TBC1D5: variants seen among roughly 807,000 people sequenced by gnomAD.
The protein encoded by TBC1D5 is TBC1 domain family, member 5.
A neutral mutation model predicts 100.3 loss-of-function variants in TBC1D5; 75 were observed. The observed-to-expected ratio is 0.75, with a 90% CI of 0.62 to 0.91. TBC1D5 has a LOEUF of 0.91. TBC1D5 is among the 40% of genes least tolerant of loss of function. The pLI, the probability that TBC1D5 is intolerant of heterozygous loss-of-function variation, is 0.00. For synonymous variants in TBC1D5, 323 were observed against 325.6 expected (o/e 0.99, Z 0.09); for missense variants, 910 against 942.4 (o/e 0.97, Z 0.45).
At chr3:17,563,821 T>C (rs190280299) in intron 2 of TBC1D5, among the ~76,000 whole-genome samples, 252 of 152,320 alleles carry the variant, frequency 1.7e-3, no homozygotes, top group African/African-American at 3.2e-3. Context: ...CTCCCTCTGT[T>C]GCCCAGGCTG....
At chr3:17,687,070 C>T (rs1042422558) in intron 1 of TBC1D5, among the ~76,000 whole-genome samples, 9 of 151,858 alleles carry the variant, frequency 5.9e-5, no homozygotes, top group Admixed American at 1.3e-4. Flanking sequence ...CTTGGGAGAC[C>T]GGGTATATGG....
At chr3:17,322,166 T>A (rs751620842) in intron 13 of TBC1D5, among the ~76,000 whole-genome samples, 3 of 152,232 alleles carry the variant, frequency 2.0e-5, no homozygotes, top group Non-Finnish European at 4.4e-5. Context: ...TTGTTCTAAT[T>A]TATCTCATTC....
intron 1 of TBC1D5, among the ~76,000 whole-genome samples, chr3:17,656,426 G>A (rs1202969359): frequency 6.6e-6 from 1 of 152,186 alleles, no homozygotes; most frequent in Non-Finnish European, 1.5e-5. Context: ...TATGGAAACA[G>A]AAACTCCTGC....
intron 3 of TBC1D5, among the ~76,000 whole-genome samples, chr3:17,484,892 G>C (rs116400735): frequency 6.6e-6 from 1 of 152,192 alleles, no homozygotes; most frequent in Non-Finnish European, 1.5e-5. Flanking sequence ...AGTGGAAAAT[G>C]AGGAACCCAC....
At chr3:17,406,396 T>A in intron 5 of TBC1D5, 22 bp downstream of exon 5, 3 of 1,599,492 alleles carry the variant, frequency 1.9e-6, no homozygotes, top group Non-Finnish European at 2.6e-6. Context: ...CCAGAAACTG[T>A]AAATAAATAT....
At chr3:17,281,188 C>T (rs1285995607) in intron 15 of TBC1D5, among the ~76,000 whole-genome samples, 2 of 152,200 alleles carry the variant, frequency 1.3e-5, no homozygotes, top group Non-Finnish European at 2.9e-5. Flanking sequence ...TCAACCAAGA[C>T]TTCTGAAAGA....
At chr3:17,282,101 G>A (rs2080671753) in intron 15 of TBC1D5, among the ~76,000 whole-genome samples, 1 of 152,078 alleles carries the variant, frequency 6.6e-6, no homozygotes, top group Non-Finnish European at 1.5e-5. Context: ...GAGATTATAG[G>A]CTAATTAAGG....
chr3:17,327,098 T>A (rs1195707863), intron 13 of TBC1D5, among the ~76,000 whole-genome samples: 1 of 152,234 alleles, frequency 6.6e-6, no homozygotes, highest in Non-Finnish European at 1.5e-5. Flanking sequence ...CATTTAAATT[T>A]AAAAATTTAC....
intron 1 of TBC1D5, among the ~76,000 whole-genome samples, chr3:17,666,305 C>T (rs1451093914): frequency 6.6e-6 from 1 of 152,256 alleles, no homozygotes; most frequent in African/African-American, 2.4e-5. Flanking sequence ...AGTCTTATGA[C>T]CTTGGTCCAA....
In TBC1D5 at chr3:17,191,712, G is replaced by A. The variant is rs556759179; in HGVS notation, c.1753-6504C>T. On this transcript the variant is annotated intron_variant, in intron 18 of 21. Transcript: ENST00000253692. ...GCTCACTGCAACCTCTGCCTCCCAC[G>A]TTCAGGCGATTCTCCTGCCTCAGCC... Among the ~76,000 whole-genome samples the A allele has an allele frequency of 3.9e-5, 6 of 152,046 alleles. No individual in the cohort carries two copies. The East Asian group carries it at 1.2e-3, about 29-fold the overall frequency.
intron 3 of TBC1D5, among the ~76,000 whole-genome samples, chr3:17,488,314 ATTCTTT>A (rs1254012595): frequency 2.0e-5 from 3 of 152,138 alleles, no homozygotes; most frequent in Non-Finnish European, 4.4e-5. Flanking sequence ...TTGATAACTT[ATTCTTT>A]TTATCACTGA....
intron 2 of TBC1D5, among the ~76,000 whole-genome samples, chr3:17,511,461 C>T: frequency 6.6e-6 from 1 of 151,890 alleles, no homozygotes. Flanking sequence ...AAATAAATGA[C>T]TTTTGTGTAT....
intron 2 of TBC1D5, among the ~76,000 whole-genome samples, chr3:17,582,491 C>T (rs1404485134): frequency 6.6e-6 from 1 of 151,838 alleles, no homozygotes; most frequent in Non-Finnish European, 1.5e-5. Context: ...ATATAAAAAA[C>T]AGTACAGCTA....
chr3:17,353,220 A>G (rs1190273228), intron 13 of TBC1D5, among the ~76,000 whole-genome samples: 1 of 151,970 alleles, frequency 6.6e-6, no homozygotes, highest in African/African-American at 2.4e-5. Flanking sequence ...TTAAACAATA[A>G]CACATTTTAC....
intron 2 of TBC1D5, among the ~76,000 whole-genome samples, chr3:17,535,183 T>C (rs2096270214): frequency 6.6e-6 from 1 of 152,146 alleles, no homozygotes; most frequent in Non-Finnish European, 1.5e-5. Context: ...CAAAAACAGA[T>C]ACGATTTTCA....
At chr3:17,398,951 T>C (rs1203271094) in intron 8 of TBC1D5, among the ~76,000 whole-genome samples, 1 of 152,068 alleles carries the variant, frequency 6.6e-6, no homozygotes, top group Non-Finnish European at 1.5e-5. Context: ...TAGGCACAAA[T>C]GATTTCCAAT....
At chr3:17,742,304 G>A (rs2077534562), upstream of TBC1D5, among the ~76,000 whole-genome samples, 3 of 152,264 alleles carry the variant, frequency 2.0e-5, no homozygotes, top group African/African-American at 7.2e-5. Flanking sequence ...AGGCCCTCCC[G>A]TGAGAAGGCG....
chr3:17,378,887 A>G (rs1055413137), intron 9 of TBC1D5, among the ~76,000 whole-genome samples: 22 of 151,770 alleles, frequency 1.4e-4, no homozygotes, highest in Non-Finnish European at 2.1e-4. Context: ...TTCCATCTTC[A>G]ATAAATTCAA....
At chr3:17,664,975 C>T (rs1057211249) in intron 1 of TBC1D5, 6 of 136,462 alleles carry the variant, frequency 4.4e-5, no homozygotes, top group Non-Finnish European at 9.1e-5. Flanking sequence ...AGGTTACAGG[C>T]TCTTTTAGAA....
Sources: gnomAD v4.1 joint callset for allele counts (sites outside exome capture counted in the v4.1 genomes callset) on GRCh38, gnomAD v4.1.1 for gene constraint, MANE v1.5 for transcripts, NCBI Gene and HGNC (gene_info 2026-07-23, HGNC 2026-07-21) for gene names.